RBFOX1: variants seen among roughly 807,000 people sequenced by gnomAD.
RBFOX1 encodes the protein RNA binding fox-1 homolog 1.
Under a neutral mutation model 57.7 loss-of-function variants are expected in RBFOX1, and 8 were observed. That is an observed-to-expected ratio of 0.14 (90% CI 0.08 to 0.25). The LOEUF (loss-of-function observed/expected upper bound fraction) is 0.25. RBFOX1 is among the 10% of genes least tolerant of loss of function. The probability of loss-of-function intolerance (pLI) is 1.00; values close to 1 mark genes in which losing one functional copy is unlikely to be tolerated. For synonymous variants in RBFOX1, 326 were observed against 222.4 expected (o/e 1.47, Z -4.15); for missense variants, 611 against 548.5 (o/e 1.11, Z -1.14).
chr16:7,417,595 C>A (rs2098496216), intron 4 of RBFOX1, among the ~76,000 whole-genome samples: 1 of 151,670 alleles, frequency 6.6e-6, no homozygotes, highest in Non-Finnish European at 1.5e-5. Context: ...CATGTAGCCT[C>A]CTGTGATAGC....
In RBFOX1 at chr16:6,220,046, CT is replaced by C. The variant is rs1341271020; in HGVS notation, c.-126-96948del. 7.9e-5 allele frequency among the ~76,000 whole-genome samples: 12 copies of C among 152,052 alleles called. No homozygotes were observed. The South Asian group carries it at 2.5e-3, about 32-fold the overall frequency. ...CTTTCTGTCTTCATCTGTCATCTGT[CT>C]GTTTCTATATGAATATATAAATGTA... On this transcript the variant is annotated intron_variant, in intron 1 of 15. Transcript: ENST00000550418.
chr16:6,619,834 T>C (rs921786552), intron 2 of RBFOX1, among the ~76,000 whole-genome samples: 11 of 152,216 alleles, frequency 7.2e-5, no homozygotes, highest in South Asian at 4.1e-4. Context: ...CCATTAGTTA[T>C]TTTTCCTGAT....
At chr16:7,137,505 C>T (rs907346398) in intron 4 of RBFOX1, among the ~76,000 whole-genome samples, 3 of 152,158 alleles carry the variant, frequency 2.0e-5, no homozygotes, top group Non-Finnish European at 4.4e-5. Context: ...TAAGGAGTAC[C>T]TTTCACCTTC....
intron 3 of RBFOX1, among the ~76,000 whole-genome samples, chr16:6,933,531 G>C (rs1250614492): frequency 1.3e-5 from 2 of 152,184 alleles, no homozygotes; most frequent in Non-Finnish European, 2.9e-5. Flanking sequence ...TGACCAGCAT[G>C]GTGAAATCTC....
chr16:6,911,013 C>T (rs146721781), intron 3 of RBFOX1, among the ~76,000 whole-genome samples: 3,114 of 152,068 alleles, frequency 0.02, 35 homozygotes, highest in Non-Finnish European at 0.029. Context: ...TAAGCCTGGT[C>T]AACGTGGTGA....
chr16:6,998,741 C>A lies in RBFOX1; in HGVS notation c.-15-53316C>A, dbSNP rs935465993. On this transcript the variant is annotated intron_variant, in intron 3 of 15. Transcript: ENST00000550418. ...GTCTTGTACAGAAAACTTAATATAT[C>A]AGGCTCTCTTGAGAGAGTAGGAAGG... 3.0e-4 allele frequency among the ~76,000 whole-genome samples: 45 copies of A among 152,090 alleles called. 1 individual carries two copies. The highest frequency in any genetic ancestry group is 9.7e-4 in the African/African-American group (40 of 41,408).
At chr16:6,810,792 C>T (rs2088322124) in intron 3 of RBFOX1, among the ~76,000 whole-genome samples, 1 of 152,104 alleles carries the variant, frequency 6.6e-6, no homozygotes, top group South Asian at 2.1e-4. Flanking sequence ...ACCATCAGAT[C>T]TCGCCAGAAG....
intron 2 of RBFOX1, among the ~76,000 whole-genome samples, chr16:6,469,976 C>G (rs1333994306): frequency 1.3e-5 from 2 of 152,306 alleles, no homozygotes; most frequent in South Asian, 4.1e-4. Flanking sequence ...GTTAACTGAG[C>G]TCTCATTCTA....
rs555777838 is a variant in RBFOX1, at chr16:5,748,357, T to A, written c.319-118946T>A. Among the ~76,000 whole-genome samples the A allele has an allele frequency of 2.4e-4, 36 of 152,248 alleles. No homozygotes were observed. In the South Asian group the frequency reaches 6.9e-3, roughly 29 times the overall value. ...TGAGAAGAATGTATATTCTGTTGAT[T>A]TGGGGTGGAGAGTTCTGTAGATGTC... On this transcript the variant is annotated intron_variant, in intron 3 of 19. Coordinates refer to the RBFOX1 transcript ENST00000641259.
chr16:6,868,242 G>C (rs573161484), intron 3 of RBFOX1, among the ~76,000 whole-genome samples: 5 of 152,144 alleles, frequency 3.3e-5, no homozygotes, highest in African/African-American at 1.2e-4. Context: ...AATACTTCGT[G>C]GTCTGCAGCA....
intron 3 of RBFOX1, among the ~76,000 whole-genome samples, chr16:6,951,780 C>G (rs919118947): frequency 1.3e-5 from 2 of 152,182 alleles, no homozygotes; most frequent in South Asian, 2.1e-4. Context: ...TTCGCCCAGA[C>G]TGGAGTGCAG....
chr16:7,636,725 G>A (rs750472563), intron 11 of RBFOX1, among the ~76,000 whole-genome samples: 2 of 152,168 alleles, frequency 1.3e-5, no homozygotes, highest in African/African-American at 2.4e-5. Context: ...AGTTCTGGAG[G>A]CTGGAAGTCC....
intron 13 of RBFOX1, among the ~76,000 whole-genome samples, chr16:7,670,285 G>A (rs1261915153): frequency 6.6e-6 from 1 of 152,152 alleles, no homozygotes; most frequent in Non-Finnish European, 1.5e-5. Flanking sequence ...AGCTGCCTTG[G>A]CCTCCCAAAG....
At chr16:7,447,291 G>T (rs1020410711) in intron 4 of RBFOX1, among the ~76,000 whole-genome samples, 1 of 151,980 alleles carries the variant, frequency 6.6e-6, no homozygotes, top group Non-Finnish European at 1.5e-5. Flanking sequence ...AAATTAGCCA[G>T]CTGTGGTGGC....
intron 5 of RBFOX1, among the ~76,000 whole-genome samples, chr16:7,543,756 CTG>C: frequency 6.6e-6 from 1 of 150,888 alleles, no homozygotes; most frequent in Non-Finnish European, 1.5e-5. Flanking sequence ...CAAATGGACT[CTG>C]TTGTCAGGCT....
intron 4 of RBFOX1, among the ~76,000 whole-genome samples, chr16:5,881,716 A>G (rs2057768246): frequency 6.6e-6 from 1 of 152,174 alleles, no homozygotes; most frequent in South Asian, 2.1e-4. Flanking sequence ...TCAGGGATTA[A>G]TAAAGGCTAA....
At chr16:7,246,622 A>G (rs2094310609) in intron 4 of RBFOX1, among the ~76,000 whole-genome samples, 1 of 131,322 alleles carries the variant, frequency 7.6e-6, no homozygotes, top group Non-Finnish European at 1.6e-5. Context: ...GTCAGACTGT[A>G]TGGTCACCTC....
chr16:5,475,810 T>C (rs1235190253), intron 2 of RBFOX1, among the ~76,000 whole-genome samples: 1 of 152,166 alleles, frequency 6.6e-6, no homozygotes, highest in Admixed American at 6.5e-5. Context: ...TATTTTTATT[T>C]TTATTTTAAG....
chr16:5,870,571 C>G (rs1316054847), intron 4 of RBFOX1, among the ~76,000 whole-genome samples: 1 of 151,426 alleles, frequency 6.6e-6, no homozygotes, highest in Non-Finnish European at 1.5e-5. Flanking sequence ...TTCCTTCATT[C>G]TTTTTTTATT....
Sources: gnomAD v4.1 joint callset for allele counts (sites outside exome capture counted in the v4.1 genomes callset) on GRCh38, gnomAD v4.1.1 for gene constraint, MANE v1.5 for transcripts, NCBI Gene and HGNC (gene_info 2026-07-23, HGNC 2026-07-21) for gene names.